The following SLC38A8 variants were observed in gnomAD, a reference collection of about 807,000 sequenced individuals.
SLC38A8 encodes solute carrier family 38 member 8, also known as amino acid transporter SLC38A8.
A neutral mutation model predicts 46.0 loss-of-function variants in SLC38A8; 65 were observed. The ratio of observed to expected loss-of-function variants is 1.41; its 90% CI spans 1.16 to 1.74. SLC38A8 has a LOEUF of 1.74. Among genes scored for constraint, SLC38A8 ranks in the 40% most tolerant of loss-of-function variants. The pLI is 0.00. For synonymous variants in SLC38A8, 447 were observed against 243.7 expected (o/e 1.83, Z -7.77); for missense variants, 998 against 567.9 (o/e 1.76, Z -7.70).
At chr16:84,032,018 T>G (rs764577894) in intron 4 of SLC38A8, 50 bp from the exon 5 acceptor site, 2 of 1,491,920 alleles carry the variant, frequency 1.3e-6, no homozygotes, top group East Asian at 2.3e-5. Context: ...CATGTGCGGT[T>G]GATGCACGGG....
At chr16:84,019,145 A>G (rs1227848270) in intron 7 of SLC38A8, among the ~76,000 whole-genome samples, 1 of 151,352 alleles carries the variant, frequency 6.6e-6, no homozygotes, top group East Asian at 1.9e-4. Flanking sequence ...CACAATCTCG[A>G]CTCACTGCAA....
At chr16:84,041,902 G>T (rs979174171) in intron 2 of SLC38A8, 67 bp downstream of exon 2, 3 of 1,425,576 alleles carry the variant, frequency 2.1e-6, no homozygotes, top group Non-Finnish European at 9.5e-7. Context: ...GCAATGCGAG[G>T]AACCCCACCC....
chr16:84,014,438 C>A (rs974800580), intron 9 of SLC38A8, among the ~76,000 whole-genome samples: 3 of 152,036 alleles, frequency 2.0e-5, no homozygotes, highest in African/African-American at 7.2e-5. Context: ...CCACACCCCT[C>A]ACCTCTGAAA....
intron 9 of SLC38A8, 55 bp from the exon 10 acceptor site, chr16:84,013,107 A>T (rs1208410058): frequency 3.1e-6 from 5 of 1,609,890 alleles, no homozygotes; most frequent in Non-Finnish European, 4.2e-6. Flanking sequence ...CAAAGCAACA[A>T]AAAGGTCCCG....
intron 9 of SLC38A8, among the ~76,000 whole-genome samples, chr16:84,015,849 G>A (rs1259628308): frequency 6.6e-6 from 1 of 152,168 alleles, no homozygotes. Context: ...GTGATTACAG[G>A]CATACACCAC....
In SLC38A8 at chr16:84,016,798, C is replaced by T. The variant is rs112593698; in HGVS notation, c.954-71G>A. The T allele has an allele frequency of 3.3e-4, 499 of 1,495,018 alleles. 2 individuals carry two copies. In the African/African-American group the frequency reaches 6.3e-3, roughly 19 times the overall value. The allele number at this position is 1,495,018 out of a possible 1,614,324, so 92.6% of individuals were successfully genotyped here. A position where few individuals can be genotyped will look rare whatever the true frequency, so the allele number is the denominator to read the frequency against. On this transcript the variant is annotated intron_variant, in intron 8 of 10. Coordinates refer to ENST00000299709, the MANE Select transcript of SLC38A8 (RefSeq NM_001080442.3). ...CAGCCTCCACCCGACAGCTGCTCCC[C>T]AGTCCTCCAGGAGTCCCCTCACACC... is the stretch of plus-strand genomic sequence containing the variant.
intron 7 of SLC38A8, among the ~76,000 whole-genome samples, chr16:84,018,158 G>T (rs1043082414): frequency 6.6e-6 from 1 of 151,752 alleles, no homozygotes; most frequent in African/African-American, 2.4e-5. Context: ...TGCCAATGGG[G>T]ACTGTCTTCA....
chr16:84,009,745 C>A lies in SLC38A8; in HGVS notation c.*39G>T, dbSNP rs772322616. ...GCATACAGCAGCCACGTAGGGTCAG[C>A]CCCCGGAGGGCCCCTTCCTGCCCGG... On this transcript the variant is annotated 3_prime_UTR_variant, in exon 11 of 11. Transcript: ENST00000299709. The A allele has an allele frequency of 5.1e-6, 8 of 1,582,186 alleles. No homozygotes were observed. In the African/African-American group the frequency reaches 9.5e-5, roughly 19 times the overall value.
chr16:84,042,168 G>T lies in SLC38A8; in HGVS notation c.-2-9C>A, dbSNP rs182508545. On this transcript the variant is annotated splice_polypyrimidine_tract_variant and intron_variant, in intron 1 of 10. Transcript: ENST00000299709. The stretch of plus-strand genomic sequence containing the variant: ...GGTCTGTCCCTCCATGGCTAGAGGC[G>T]GCAGAGGGGTGGAGAGAAAGCACAG... The T allele has an allele frequency of 1.9e-6, 3 of 1,602,376 alleles. No individual in the cohort carries two copies. The highest frequency in any genetic ancestry group is 2.6e-6 in the Non-Finnish European group (3 of 1,175,494).
intron 3 of SLC38A8, among the ~76,000 whole-genome samples, chr16:84,035,238 G>T (rs2085288292): frequency 6.6e-6 from 1 of 152,148 alleles, no homozygotes; most frequent in Admixed American, 6.5e-5. Flanking sequence ...GCCACTGTGG[G>T]GGAGCAGGAC....
intron 6 of SLC38A8, among the ~76,000 whole-genome samples, chr16:84,027,099 C>A (rs1397270628): frequency 1.3e-5 from 2 of 152,196 alleles, no homozygotes; most frequent in East Asian, 3.9e-4. Flanking sequence ...CGCCTGTAAT[C>A]CCAGCACTTT....
At chr16:84,009,943 T>TA (rs1381573214) in intron 10 of SLC38A8, 66 bp from the exon 11 acceptor site, 1 of 1,426,874 alleles carries the variant, frequency 7.0e-7, no homozygotes, top group Non-Finnish European at 9.7e-7. Context: ...CACACACACA[T>TA]AAAAAATTCA....
At chr16:84,027,539 C>A (rs1462293204) in intron 6 of SLC38A8, among the ~76,000 whole-genome samples, 2 of 152,180 alleles carry the variant, frequency 1.3e-5, no homozygotes, top group Non-Finnish European at 2.9e-5. Context: ...TGAGTCAGGT[C>A]AGAGTTCCTG....
intron 6 of SLC38A8, among the ~76,000 whole-genome samples, 190 bp from the exon 7 acceptor site, chr16:84,023,079 G>A (rs950605245): frequency 6.6e-6 from 1 of 151,774 alleles, no homozygotes; most frequent in Non-Finnish European, 1.5e-5. Flanking sequence ...CTTCCTTTCT[G>A]CCTTTGTTAC....
chr16:84,022,025 A>G (rs2085101762), intron 7 of SLC38A8, among the ~76,000 whole-genome samples: 1 of 152,198 alleles, frequency 6.6e-6, no homozygotes, highest in South Asian at 2.1e-4. Context: ...TCCATTCTTG[A>G]GGGCAGAGGC....
Position 84,042,115 on chromosome 16 carries a change from G to A in SLC38A8, c.43C>T (p.Pro15Ser). 1 of 1,613,822 alleles carries A rather than the reference G, an allele frequency of 6.2e-7. No homozygotes were observed. The highest frequency in any genetic ancestry group is 1.1e-5 in the South Asian group (1 of 91,048). The change falls in exon 2 of 11, where the codon CCT becomes TCT. Residue 15 changes from proline to serine, a missense_variant. Pro to Ser is a moderately conservative substitution (Grantham distance 74). Coordinates refer to ENST00000299709, the MANE Select transcript of SLC38A8 (RefSeq NM_001080442.3). The part of the protein sequence containing the change: ...TPGSRGLPEK[P>S]HPATAAATLS... ...GTGGCAGCAGCCGTGGCAGGGTGAG[G>A]CTTTTCTGGAAGGCCCCTGCTTCCT...
chr16:84,016,346 T>C (rs1475045086), intron 9 of SLC38A8, among the ~76,000 whole-genome samples, 173 bp downstream of exon 9: 1 of 152,130 alleles, frequency 6.6e-6, no homozygotes, highest in African/African-American at 2.4e-5. Context: ...AGGGAAGGTA[T>C]GTAAAGCCCA....
chr16:84,015,279 A>G (rs888889279), intron 9 of SLC38A8, among the ~76,000 whole-genome samples: 13 of 151,830 alleles, frequency 8.6e-5, no homozygotes, highest in Non-Finnish European at 8.8e-5. Context: ...ACCCTTTTCC[A>G]CTGGAAGAAG....
chr16:84,020,496 C>G (rs1399275102), intron 7 of SLC38A8, among the ~76,000 whole-genome samples: 1 of 152,200 alleles, frequency 6.6e-6, no homozygotes, highest in African/African-American at 2.4e-5. Flanking sequence ...GCTTCTGTAG[C>G]TCTCGCTATC....
Sources: gnomAD v4.1 joint callset for allele counts (sites outside exome capture counted in the v4.1 genomes callset) on GRCh38, gnomAD v4.1.1 for gene constraint, MANE v1.5 for transcripts, NCBI Gene and HGNC (gene_info 2026-07-23, HGNC 2026-07-21) for gene names.